The following ADGRG7 variants were observed in gnomAD, a reference collection of about 807,000 sequenced individuals.
ADGRG7 encodes G-protein coupled receptor 128.
ADGRG7 carries 82 observed loss-of-function variants against 88.6 expected under a neutral mutation model. That is an observed-to-expected ratio of 0.93 (90% CI 0.77 to 1.11). The LOEUF is 1.11. ADGRG7 is among the 50% of genes most tolerant of loss of function. ADGRG7 has a pLI of 0.00. For synonymous variants in ADGRG7, 381 were observed against 345.2 expected (o/e 1.10, Z -1.15); for missense variants, 945 against 953.4 (o/e 0.99, Z 0.12).
intron 1 of ADGRG7, among the ~76,000 whole-genome samples, chr3:100,626,921 A>G (rs1707387457): frequency 6.6e-6 from 1 of 152,238 alleles, no homozygotes; most frequent in Admixed American, 6.5e-5. Flanking sequence ...TTTGTTGCTA[A>G]TATGTGAAAA....
intron 12 of ADGRG7, among the ~76,000 whole-genome samples, 182 bp downstream of exon 12, chr3:100,655,363 G>C (rs1025763374): frequency 4.6e-5 from 7 of 151,952 alleles, no homozygotes; most frequent in African/African-American, 1.7e-4. Flanking sequence ...AGGCAGATGC[G>C]ATCAAGGCAA....
chr3:100,633,782 G>A (rs951209714), intron 4 of ADGRG7, among the ~76,000 whole-genome samples: 1 of 152,046 alleles, frequency 6.6e-6, no homozygotes, highest in Admixed American at 6.6e-5. Flanking sequence ...TCAGCCTCCC[G>A]AAGTGCAGGG....
intron 13 of ADGRG7, among the ~76,000 whole-genome samples, chr3:100,656,920 G>A (rs1054726979): frequency 2.6e-5 from 4 of 152,106 alleles, no homozygotes; most frequent in African/African-American, 9.7e-5. Context: ...AAATTTTAAT[G>A]CCACCAGTAG....
chr3:100,656,006 A>G lies in ADGRG7; in HGVS notation c.1823+11A>G. On this transcript the variant is annotated intron_variant, in intron 13 of 15. Transcript: ENST00000273352. The stretch of plus-strand genomic sequence containing the variant: ...CCGGCAAGAGAAAATGTGAGTTTAT[A>G]TTTTTTTAAATGTCCAATTGTTTGA... 6.6e-7 allele frequency: 1 copy of G among 1,515,444 alleles called. No individual in the cohort carries two copies. Among genetic ancestry groups the G allele is most frequent in the Non-Finnish European group, 9.2e-7 (1 of 1,090,684 alleles). 93.9% of individuals were successfully genotyped at this position (1,515,444 alleles called of 1,614,324 possible).
intron 1 of ADGRG7, among the ~76,000 whole-genome samples, chr3:100,611,726 G>A (rs1383676933): frequency 6.6e-6 from 1 of 152,204 alleles, no homozygotes. Flanking sequence ...AAACCCGATG[G>A]AAAAGGAGAG....
chr3:100,691,354 G>A (rs1006662727), intron 15 of ADGRG7, among the ~76,000 whole-genome samples: 6 of 152,144 alleles, frequency 3.9e-5, no homozygotes, highest in Non-Finnish European at 5.9e-5. Context: ...CACACATGGT[G>A]CTCTGTACCC....
At chr3:100,667,381 G>A (rs2094953259) in intron 14 of ADGRG7, among the ~76,000 whole-genome samples, 1 of 152,080 alleles carries the variant, frequency 6.6e-6, no homozygotes, top group African/African-American at 2.4e-5. Context: ...CTGTGTCCAT[G>A]TGCTCTCATC....
intron 1 of ADGRG7, among the ~76,000 whole-genome samples, chr3:100,610,464 A>C (rs1366011087): frequency 2.0e-5 from 3 of 152,260 alleles, no homozygotes; most frequent in Admixed American, 6.5e-5. Context: ...CATGGTTTGC[A>C]TACAAATTTC....
At chr3:100,619,563 A>G (rs1707278075) in intron 1 of ADGRG7, among the ~76,000 whole-genome samples, 1 of 152,236 alleles carries the variant, frequency 6.6e-6, no homozygotes, top group Non-Finnish European at 1.5e-5. Flanking sequence ...AGATCAGAGC[A>G]GAACTGAAGG....
intron 15 of ADGRG7, among the ~76,000 whole-genome samples, chr3:100,672,690 G>C (rs548351617): frequency 4.6e-5 from 7 of 152,178 alleles, no homozygotes; most frequent in Admixed American, 1.3e-4. Context: ...ATTGGCTGTG[G>C]GTTTGTCATA....
intron 15 of ADGRG7, among the ~76,000 whole-genome samples, chr3:100,688,254 G>T (rs567725381): frequency 6.6e-6 from 1 of 152,168 alleles, no homozygotes; most frequent in Admixed American, 6.5e-5. Context: ...GTGTCTATTT[G>T]ATTCTTCTCT....
intron 11 of ADGRG7, among the ~76,000 whole-genome samples, chr3:100,653,935 G>A (rs1417021531): frequency 6.6e-6 from 1 of 152,134 alleles, no homozygotes; most frequent in African/African-American, 2.4e-5. Context: ...GACTATGAAA[G>A]GTTAGGCTCG....
At chr3:100,610,041 G>T (rs1367943980) in intron 1 of ADGRG7, 70 bp downstream of exon 1, 1 of 1,255,780 alleles carries the variant, frequency 8.0e-7, no homozygotes, top group East Asian at 2.4e-5. Context: ...GCCACCTGGT[G>T]CACAAGTACT....
intron 1 of ADGRG7, among the ~76,000 whole-genome samples, chr3:100,629,267 C>CTCTATCTA (rs58092447): frequency 0.028 from 4,175 of 148,994 alleles, 59 homozygotes; most frequent in Admixed American, 0.034. Context: ...TCCATGTTGA[C>CTCTATCTA]TCTATCTATC....
chr3:100,646,546 G>A (rs773853592), intron 9 of ADGRG7, 23 bp from the exon 10 acceptor site: 1 of 1,587,314 alleles, frequency 6.3e-7, no homozygotes, highest in African/African-American at 1.3e-5. Context: ...AACAGTAATT[G>A]TAATTGTCTT....
At chr3:100,691,535 T>G (rs1025224535) in intron 15 of ADGRG7, among the ~76,000 whole-genome samples, 1 of 152,014 alleles carries the variant, frequency 6.6e-6, no homozygotes, top group African/African-American at 2.4e-5. Context: ...GTCATCCCTT[T>G]TTAAACATAA....
In ADGRG7 at chr3:100,640,151, A is replaced by C. The variant is rs968871215; in HGVS notation, c.698+2749A>C. Among the ~76,000 whole-genome samples the C allele has an allele frequency of 1.4e-4, 21 of 152,286 alleles. No individual in the cohort carries two copies. The Middle Eastern group carries it at 0.014, about 99-fold the overall frequency. On this transcript the variant is annotated intron_variant, in intron 6 of 15. Coordinates refer to ENST00000273352, the MANE Select transcript of ADGRG7 (RefSeq NM_032787.3). ...TCTCTTTAGGAGAATACTCTTGATG[A>C]GCTTCCAACAGAGGTCATCTCTCCA...
intron 15 of ADGRG7, among the ~76,000 whole-genome samples, chr3:100,688,419 C>T (rs2094987061): frequency 6.6e-6 from 1 of 152,184 alleles, no homozygotes; most frequent in Non-Finnish European, 1.5e-5. Context: ...CTTCTGCTGG[C>T]TTTTGAATGT....
At chr3:100,653,792 A>ATT (rs879421915) in intron 11 of ADGRG7, among the ~76,000 whole-genome samples, 3 of 144,704 alleles carry the variant, frequency 2.1e-5, no homozygotes, top group Admixed American at 6.9e-5. Flanking sequence ...CTTTCATGCA[A>ATT]TTTTTTTTTT....
Sources: allele counts gnomAD v4.1 joint callset (sites outside exome capture counted in the v4.1 genomes callset), GRCh38; gene constraint gnomAD v4.1.1; transcripts MANE v1.5; gene names NCBI Gene and HGNC (gene_info 2026-07-23, HGNC 2026-07-21).